TDRD12: variants seen among roughly 807,000 people sequenced by gnomAD.
The protein encoded by TDRD12 is putative ATP-dependent RNA helicase TDRD12.
Under a neutral mutation model 133.5 loss-of-function variants are expected in TDRD12, and 158 were observed. The ratio of observed to expected loss-of-function variants is 1.18; its 90% confidence interval spans 1.04 to 1.35. TDRD12 has a LOEUF of 1.35. TDRD12 is among the 40% of genes most tolerant of loss of function. The pLI, the probability that TDRD12 is intolerant of heterozygous loss-of-function variation, is 0.00. For missense variants in TDRD12, 1,443 were observed against 1,321.3 expected (o/e 1.09, Z -1.43); for synonymous variants, 460 against 477.9 (o/e 0.96, Z 0.49).
rs141624760 is a variant in TDRD12, at chr19:32,810,483, G to C, written c.2837+206G>C. On this transcript the variant is annotated intron_variant, in intron 23 of 27. Coordinates refer to ENST00000444215, the Ensembl canonical transcript of TDRD12. ...GCCCAGTGACACCGTGACCCATTGAGCCATCACTGCGTGCGACATACACAT... is the reference window on the plus strand; with the variant it reads ...GCCCAGTGACACCGTGACCCATTGACCCATCACTGCGTGCGACATACACAT... Among the ~76,000 whole-genome samples the C allele has an allele frequency of 3.9e-3, 588 of 152,322 alleles. 5 individuals are homozygous for C. The highest frequency in any genetic ancestry group is 6.2e-3 in the Non-Finnish European group (425 of 68,034).
chr19:32,749,182 G>A (rs1220065289), intron 5 of TDRD12, among the ~76,000 whole-genome samples: 1 of 152,068 alleles, frequency 6.6e-6, no homozygotes, highest in East Asian at 1.9e-4. Flanking sequence ...GCAGTGGGAG[G>A]CTGGGAGGTC....
intron 21 of TDRD12, among the ~76,000 whole-genome samples, chr19:32,804,142 G>A (rs922086601): frequency 1.3e-5 from 2 of 151,474 alleles, no homozygotes; most frequent in African/African-American, 4.9e-5. Context: ...GCGCCATCTC[G>A]GCTCACTGCA....
rs769384800 is a variant in TDRD12, at chr19:32,773,456, C to T, written c.964C>T (p.Arg322Cys). ...TCTGAAGAAAAGTTTTCTTTTACAGCGTGTTGAATCCTCAGTGTACTGGCC... is the reference window on the plus strand; with the variant it reads ...TCTGAAGAAAAGTTTTCTTTTACAGTGTGTTGAATCCTCAGTGTACTGGCC... Residue 322 changes from arginine to cysteine, a missense_variant and splice_region_variant, in exon 10 of 28, where the codon CGT becomes TGT. Coordinates refer to ENST00000444215, the Ensembl canonical transcript of TDRD12. 28 of 1,551,412 alleles carry T rather than the reference C, an allele frequency of 1.8e-5. No individual in the cohort carries two copies. Among genetic ancestry groups the T allele is most frequent in the South Asian group, 5.9e-5 (5 of 84,040 alleles).
intron 1 of TDRD12, among the ~76,000 whole-genome samples, chr19:32,729,726 T>A (rs1968980787): frequency 6.6e-6 from 1 of 151,322 alleles, no homozygotes; most frequent in African/African-American, 2.4e-5. Context: ...GCCTGTTAAT[T>A]CCAATATCTG....
rs375210947 is a variant in TDRD12 at position 32,746,575 on chromosome 19, TGAGA to T, written c.441-1891_441-1888del. Among the ~76,000 whole-genome samples the T allele has an allele frequency of 1.4e-3, 175 of 123,420 alleles. 1 individual carries two copies. The highest frequency in any genetic ancestry group is 4.9e-3 in the South Asian group (16 of 3,234). 81.0% of individuals were successfully genotyped at this position (123,420 alleles called of 152,430 possible). A position where few individuals can be genotyped will look rare whatever the true frequency, so the allele number is the denominator to read the frequency against. ...GGCTGATGTGGTTATTCTGTGTGTG[TGAGA>T]GAGAGAGAGTCTGGCTGATGTGGTT... On this transcript the variant is annotated intron_variant, in intron 4 of 27. Transcript: ENST00000444215.
At position 32,755,989 on chromosome 19, in the gene TDRD12, C is replaced by G; in HGVS notation, c.583-3C>G. 6.9e-7 allele frequency: 1 copy of G among 1,448,766 alleles called. No individual in the cohort carries two copies. Among genetic ancestry groups the G allele is most frequent in the East Asian group, 2.9e-5 (1 of 34,092 alleles). The allele number at this position is 1,448,766 out of a possible 1,614,324, so 89.7% of individuals were successfully genotyped here. A position where few individuals can be genotyped will look rare whatever the true frequency, so the allele number is the denominator to read the frequency against. Reference sequence around the variant, plus strand: ...TAGTCATGAAATGTTTAAAATTTTACAGGTTTGTGTTAATGATGATCTTGT... The same window carrying G: ...TAGTCATGAAATGTTTAAAATTTTAGAGGTTTGTGTTAATGATGATCTTGT... On this transcript the variant is annotated splice_polypyrimidine_tract_variant and splice_region_variant and intron_variant, in intron 6 of 27. Coordinates refer to ENST00000444215, the Ensembl canonical transcript of TDRD12.
exon 17 of TDRD12, chr19:32,800,176 A>C (rs777889905): frequency 6.7e-7 from 1 of 1,488,810 alleles, no homozygotes; most frequent in Admixed American, 2.2e-5. Flanking sequence ...GATGTTTGCT[A>C]TATTAGATAA....
At chr19:32,721,887 T>C (rs1035832696) in intron 1 of TDRD12, among the ~76,000 whole-genome samples, 4 of 150,242 alleles carry the variant, frequency 2.7e-5, no homozygotes, top group African/African-American at 9.8e-5. Flanking sequence ...TTTTTTTTTT[T>C]TTGTATTTTT....
At chr19:32,721,049 G>A (rs538887725) in intron 1 of TDRD12, among the ~76,000 whole-genome samples, 1 of 152,134 alleles carries the variant, frequency 6.6e-6, no homozygotes, top group East Asian at 2.0e-4. Flanking sequence ...GACAGGGTCG[G>A]GTGGCCCGGG....
At chr19:32,720,137 T>TGGG in intron 1 of TDRD12, 41 bp downstream of exon 1, 1 of 1,520,008 alleles carries the variant, frequency 6.6e-7, no homozygotes, top group Non-Finnish European at 8.8e-7. Flanking sequence ...ACCCACGCAG[T>TGGG]CCCCCACCCC....
chr19:32,814,152 G>A (rs971164380), intron 25 of TDRD12, among the ~76,000 whole-genome samples: 127 of 152,298 alleles, frequency 8.3e-4, no homozygotes, highest in African/African-American at 2.8e-3. Flanking sequence ...GAGCAGTGCT[G>A]GGCACTGGGG....
At chr19:32,818,381 A>G (rs550620436) in intron 27 of TDRD12, among the ~76,000 whole-genome samples, 16 of 152,266 alleles carry the variant, frequency 1.1e-4, no homozygotes, top group African/African-American at 2.9e-4. Context: ...ACTGCAAGGA[A>G]TGGGTTCTTG....
chr19:32,740,142 CT>C (rs2145471495), intron 3 of TDRD12, among the ~76,000 whole-genome samples: 4 of 132,244 alleles, frequency 3.0e-5, no homozygotes, highest in African/African-American at 1.2e-4. Flanking sequence ...CCTGGGTGCT[CT>C]CTGCATCTCC....
At position 32,731,772 on chromosome 19, in the gene TDRD12, C is replaced by CT. The variant is rs1483524118; in HGVS notation, c.77dup (p.Leu26PhefsTer4). On this transcript the variant is annotated frameshift_variant, in exon 2 of 28. Coordinates refer to ENST00000444215, the Ensembl canonical transcript of TDRD12. LOFTEE classifies it high-confidence loss of function. The stretch of plus-strand genomic sequence containing the variant: ...GGGTTATTATAAAAGGGTGTAGTCC[C>CT]TTTTTAGATCATGATGTCGATTATC... 6.4e-7 allele frequency: 1 copy of CT among 1,550,808 alleles called. No individual in the cohort carries two copies. Among genetic ancestry groups the CT allele is most frequent in the Non-Finnish European group, 8.7e-7 (1 of 1,146,838 alleles).
exon 5 of TDRD12, chr19:32,748,494 C>T: frequency 1.3e-6 from 2 of 1,551,706 alleles, no homozygotes; most frequent in Non-Finnish European, 1.7e-6. Context: ...AGAAGTGGGA[C>T]AATGCAGCTA....
intron 2 of TDRD12, among the ~76,000 whole-genome samples, 151 bp downstream of exon 2, chr19:32,732,034 C>T (rs1468370189): frequency 6.6e-6 from 1 of 151,892 alleles, no homozygotes; most frequent in Non-Finnish European, 1.5e-5. Context: ...GATGGAGTCT[C>T]GCTCTGTCAC....
rs1019723151 is a variant in TDRD12, at chr19:32,790,828, C to CTT, written c.1183-128_1183-127dup. Reference sequence around the variant, plus strand: ...TTGGTAGTTTGGTGGTTTTTTTTTTCTTTTTTTTTAAGTAAGCATATATAC... The same window carrying CTT: ...TTGGTAGTTTGGTGGTTTTTTTTTTCTTTTTTTTTTTAAGTAAGCATATATAC... On this transcript the variant is annotated intron_variant, in intron 12 of 27. Transcript: ENST00000444215. 117 of 1,362,514 alleles carry CTT rather than the reference C, an allele frequency of 8.6e-5. No homozygotes were observed. The African/African-American group carries it at 1.6e-3, about 19-fold the overall frequency. The allele number at this position is 1,362,514 out of a possible 1,614,324, so 84.4% of individuals were successfully genotyped here.
chr19:32,777,409 C>T (rs530152408), intron 11 of TDRD12, among the ~76,000 whole-genome samples, 180 bp downstream of exon 11: 1 of 152,196 alleles, frequency 6.6e-6, no homozygotes, highest in South Asian at 2.1e-4. Flanking sequence ...CACTTGGGCA[C>T]ATTTTTCTGT....
intron 19 of TDRD12, 33 bp from the exon 20 acceptor site, chr19:32,802,623 C>A: frequency 6.5e-7 from 1 of 1,532,094 alleles, no homozygotes; most frequent in Non-Finnish European, 8.7e-7. Context: ...GTAACTCCAG[C>A]GCGTGTGACA....
Sources: gnomAD v4.1 joint callset for allele counts (sites outside exome capture counted in the v4.1 genomes callset) on GRCh38, gnomAD v4.1.1 for gene constraint, MANE v1.5 for transcripts, NCBI Gene and HGNC (gene_info 2026-07-23, HGNC 2026-07-21) for gene names.